TP53BP1: variants seen among roughly 807,000 people sequenced by gnomAD.
The protein encoded by TP53BP1 is TP53-binding protein 1.
Under a neutral mutation model 200.8 loss-of-function variants are expected in TP53BP1, and 61 were observed. The observed-to-expected ratio is 0.30, with a 90% CI of 0.25 to 0.38. The LOEUF is 0.38. Among genes scored for constraint, TP53BP1 ranks in the 10% least tolerant of loss-of-function variants. The pLI is 1.00. For missense variants in TP53BP1, 2,144 were observed against 2,371.9 expected (o/e 0.90, Z 2.00); for synonymous variants, 822 against 844.3 (o/e 0.97, Z 0.46).
At chr15:43,501,415 T>C (rs1342787436) in intron 1 of TP53BP1, among the ~76,000 whole-genome samples, 8 of 151,980 alleles carry the variant, frequency 5.3e-5, no homozygotes, top group Non-Finnish European at 7.4e-5. Context: ...GGTTACACTA[T>C]GTTGCTCAGG....
intron 1 of TP53BP1, among the ~76,000 whole-genome samples, chr15:43,502,831 C>T (rs1399741937): frequency 6.6e-6 from 1 of 151,908 alleles, no homozygotes; most frequent in East Asian, 1.9e-4. Context: ...TCTCAGCTCA[C>T]TGCAACCTCT....
intron 1 of TP53BP1, among the ~76,000 whole-genome samples, chr15:43,506,909 C>G (rs367682834): frequency 2.0e-5 from 3 of 152,226 alleles, no homozygotes; most frequent in African/African-American, 7.2e-5. Context: ...TAATTGGTCA[C>G]AGGCCAAGCC....
chr15:43,502,176 A>G (rs2140178652), intron 1 of TP53BP1, among the ~76,000 whole-genome samples: 1 of 152,170 alleles, frequency 6.6e-6, no homozygotes, highest in South Asian at 2.1e-4. Context: ...TTTAAAAATT[A>G]GTCAAGCATG....
chr15:43,417,699 C>G (rs764010231), intron 21 of TP53BP1, among the ~76,000 whole-genome samples: 3 of 152,162 alleles, frequency 2.0e-5, no homozygotes, highest in African/African-American at 4.8e-5. Context: ...GCATTTGATA[C>G]ATACAAACTA....
In TP53BP1 at chr15:43,404,988, T is replaced by TGTCA. The variant is rs1274863948; in HGVS notation, c.*2391_*2394dup. 7 of 575,864 alleles carry TGTCA rather than the reference T, an allele frequency of 1.2e-5. No individual in the cohort carries two copies. Among genetic ancestry groups the TGTCA allele is most frequent in the Non-Finnish European group, 2.1e-5 (7 of 328,874 alleles). The allele number at this position is 575,864 out of a possible 1,614,324, so 35.7% of individuals were successfully genotyped here. ...AGTGGTAGCTGGCTTCCCAGAGGTC[T>TGTCA]GTCATTCCCATTCAGAAAATCACTT... is the stretch of plus-strand genomic sequence containing the variant. On this transcript the variant is annotated 3_prime_UTR_variant, in exon 28 of 28. Coordinates refer to ENST00000382044, the MANE Select transcript of TP53BP1 (RefSeq NM_001141980.3).
chr15:43,501,198 G>T, intron 1 of TP53BP1, among the ~76,000 whole-genome samples: 1 of 142,126 alleles, frequency 7.0e-6, no homozygotes, highest in African/African-American at 3.0e-5. Context: ...GCTCTTAATT[G>T]TGTAATTTTT....
At chr15:43,461,830 G>A (rs576054918) in intron 11 of TP53BP1, among the ~76,000 whole-genome samples, 16 of 151,440 alleles carry the variant, frequency 1.1e-4, no homozygotes, top group African/African-American at 3.6e-4. Flanking sequence ...CACCACACCC[G>A]GCTAATTTTT....
At position 43,421,172 on chromosome 15, in the gene TP53BP1, G is replaced by A; in HGVS notation, c.4103C>T (p.Pro1368Leu). The A allele has an allele frequency of 1.2e-6, 2 of 1,613,632 alleles. No individual in the cohort carries two copies. Among genetic ancestry groups the A allele is most frequent in the Non-Finnish European group, 1.7e-6 (2 of 1,179,804 alleles). The change falls in exon 20 of 28, where the codon CCT becomes CTT. Residue 1368 changes from proline to leucine, a missense_variant and splice_region_variant. Coordinates refer to ENST00000382044, the MANE Select transcript of TP53BP1 (RefSeq NM_001141980.3). ...CCCTGTCTGACTGACCCCTTTTCTA[G>A]GACTAGAGAATGAAGACAAGTTAGT... ...SSRGGPGKLS[P>L]RKGVSQTGTP...
intron 11 of TP53BP1, among the ~76,000 whole-genome samples, chr15:43,464,600 T>G (rs2046522000): frequency 6.6e-6 from 1 of 152,130 alleles, no homozygotes; most frequent in Non-Finnish European, 1.5e-5. Context: ...AATTGTATTA[T>G]TCAGCAATAA....
Position 43,457,010 on chromosome 15 carries a change from A to G in TP53BP1, c.1598T>C (p.Met533Thr). The G allele has an allele frequency of 6.2e-7, 1 of 1,614,224 alleles. No individual in the cohort carries two copies. The highest frequency in any genetic ancestry group is 8.5e-7 in the Non-Finnish European group (1 of 1,180,044). ...STSEYSQSPK[M>T]ESLSSHRIDE... ...AATTCTGTGAGAACTCAAGCTCTCC[A>G]TCTTTGGGGACTGACTATATTCACT... Residue 533 changes from methionine to threonine, a missense_variant, in exon 12 of 28, where the codon ATG becomes ACG. Transcript: ENST00000382044.
chr15:43,445,248 C>T (rs2046014873), intron 14 of TP53BP1, among the ~76,000 whole-genome samples: 1 of 152,150 alleles, frequency 6.6e-6, no homozygotes, highest in South Asian at 2.1e-4. Flanking sequence ...TGAAATGGCT[C>T]TTGCTAGAGT....
Position 43,432,507 on chromosome 15 carries a change from T to G in TP53BP1, c.3362A>C (p.Gln1121Pro), listed in dbSNP as rs771018879. ...KMVIQGPSSP[Q>P]GEAMVTDVLE... ...CACATCTGTCACCATTGCCTCTCCT[T>G]GAGGACTGGATGGCCCTTGTATGAC... The change falls in exon 17 of 28, where the codon CAA becomes CCA. Residue 1121 changes from glutamine (Q) to proline (P), a missense_variant. Transcript: ENST00000382044. 9.3e-6 allele frequency: 15 copies of G among 1,614,144 alleles called. 2 individuals carry two copies. In the South Asian group the frequency reaches 1.6e-4, roughly 18 times the overall value.
intron 11 of TP53BP1, among the ~76,000 whole-genome samples, chr15:43,464,755 A>G (rs925129701): frequency 2.6e-5 from 4 of 151,944 alleles, no homozygotes; most frequent in African/African-American, 9.7e-5. Context: ...AAAAAAATAC[A>G]AAATTTGCCA....
At position 43,491,991 on chromosome 15, in the gene TP53BP1, A is replaced by G. The variant is rs143671138; in HGVS notation, c.286+11T>C. The G allele has an allele frequency of 9.7e-4, 1,561 of 1,605,908 alleles. 1 individual carries two copies. Among genetic ancestry groups the G allele is most frequent in the Admixed American group, 2.5e-3 (148 of 60,006 alleles). ...AAATGCAAAGGGGACAGATAGCTTT[A>G]AACACCTCACCTGCAACCTTGTTTT... On this transcript the variant is annotated intron_variant, in intron 3 of 27. Transcript: ENST00000382044.
At chr15:43,429,338 T>C (rs887374298) in intron 17 of TP53BP1, among the ~76,000 whole-genome samples, 1 of 152,186 alleles carries the variant, frequency 6.6e-6, no homozygotes, top group Non-Finnish European at 1.5e-5. Context: ...ATACATGTTT[T>C]CTAATAACAA....
chr15:43,451,929 C>A (rs1278865748), intron 12 of TP53BP1, among the ~76,000 whole-genome samples: 3 of 152,048 alleles, frequency 2.0e-5, no homozygotes, highest in African/African-American at 7.2e-5. Context: ...GAGGCCAGGA[C>A]TTCGAGACCA....
In TP53BP1 at chr15:43,432,217, C is replaced by G; in HGVS notation, c.3652G>C (p.Asp1218His). ...ACCTGGCTATGGAGCGACTCTGTAT[C>G]ATCCCCAGGAGCACTGACTGGTTTC... is the stretch of plus-strand genomic sequence containing the variant. ...GEKPVSAPGDDTESLHSQGEE... is the reference protein window; with the variant it reads ...GEKPVSAPGDHTESLHSQGEE... The change falls in exon 17 of 28, where the codon GAT becomes CAT. Residue 1218 changes from aspartate (D) to histidine (H), a missense_variant. This residue lies in a region of TP53BP1 where 1,700 missense variants were observed against 1,710.3 expected (regional missense o/e 0.99). Transcript: ENST00000382044. The G allele has an allele frequency of 6.2e-7, 1 of 1,614,082 alleles. No individual in the cohort carries two copies. The highest frequency in any genetic ancestry group is 8.5e-7 in the Non-Finnish European group (1 of 1,179,976).
chr15:43,432,172 G>C, intron 17 of TP53BP1, 22 bp downstream of exon 17: 1 of 1,589,674 alleles, frequency 6.3e-7, no homozygotes, highest in South Asian at 1.1e-5. Flanking sequence ...GGCCTCTGAT[G>C]CACCCTAGTA....
Position 43,453,352 on chromosome 15 carries a change from T to C in TP53BP1, c.2716+2540A>G, listed in dbSNP as rs75647661. Among the ~76,000 whole-genome samples the C allele has an allele frequency of 6.1e-3, 927 of 152,240 alleles. 11 individuals carry two copies. Among genetic ancestry groups the C allele is most frequent in the African/African-American group, 0.021 (859 of 41,542 alleles). On this transcript the variant is annotated intron_variant, in intron 12 of 27. Coordinates refer to ENST00000382044, the MANE Select transcript of TP53BP1 (RefSeq NM_001141980.3). ...GAATTTTAGGTTATTCACATTGTTCTTCACTACAGCTCTTCAGAATCAAAT... is the reference window on the plus strand; with the variant it reads ...GAATTTTAGGTTATTCACATTGTTCCTCACTACAGCTCTTCAGAATCAAAT...
Sources: allele counts gnomAD v4.1 joint callset (sites outside exome capture counted in the v4.1 genomes callset), GRCh38; gene constraint gnomAD v4.1.1; regional missense constraint gnomAD v4.1.1; transcripts MANE v1.5; gene names NCBI Gene and HGNC (gene_info 2026-07-23, HGNC 2026-07-21).